Variants in ELAVL2 observed in about 807,000 individuals in gnomAD.
ELAVL2 encodes ELAV like RNA binding protein 2.
In ELAVL2, 4 loss-of-function variants were observed where a neutral mutation model predicts 34.6. The observed-to-expected ratio is 0.12, with a 90% CI of 0.06 to 0.26. The LOEUF is 0.26. Ranked by LOEUF, ELAVL2 falls within the 10% of genes least tolerant of loss-of-function variation. The pLI is 1.00. For missense variants in ELAVL2, 432 were observed against 442.8 expected, an observed-to-expected ratio of 0.98 and a Z score of 0.22; for synonymous variants, 193 against 154.8, an observed-to-expected ratio of 1.25 and a Z score of -1.83.
rs545178461 is a variant in ELAVL2 at position 23,799,323 on chromosome 9, C to T, written c.-16+26483G>A. On this transcript the variant is annotated intron_variant, in intron 1 of 6. Transcript: ENST00000397312. ...CAGATCTTTAGAGGAGAAAAGCAATCCTATCTGTTACCTTGTTTCCCATCC... is the reference window on the plus strand; with the variant it reads ...CAGATCTTTAGAGGAGAAAAGCAATTCTATCTGTTACCTTGTTTCCCATCC... Among the ~76,000 whole-genome samples the T allele has an allele frequency of 2.7e-4, 41 of 152,290 alleles. 1 individual carries two copies. The highest frequency in any genetic ancestry group is 6.8e-3 in the Middle Eastern group (2 of 294).
intron 2 of ELAVL2, among the ~76,000 whole-genome samples, chr9:23,731,903 T>C (rs907417477): frequency 6.6e-6 from 1 of 152,176 alleles, no homozygotes; most frequent in East Asian, 1.9e-4. Flanking sequence ...ATCTGAGCCC[T>C]CTCACTCCTG....
intron 1 of ELAVL2, among the ~76,000 whole-genome samples, chr9:23,763,446 T>C (rs2055515074): frequency 6.6e-6 from 1 of 152,104 alleles, no homozygotes; most frequent in Non-Finnish European, 1.5e-5. Flanking sequence ...TCCTTCATAT[T>C]GCATACATCT....
At chr9:23,762,965 C>T (rs1011243752) in intron 1 of ELAVL2, among the ~76,000 whole-genome samples, 60 of 152,018 alleles carry the variant, frequency 3.9e-4, no homozygotes, top group African/African-American at 1.4e-3. Context: ...CTCCTGTCAA[C>T]CTTGGCAGCT....
chr9:23,816,158 G>T (rs1436624672), intron 1 of ELAVL2, among the ~76,000 whole-genome samples: 1 of 151,706 alleles, frequency 6.6e-6, no homozygotes, highest in African/African-American at 2.4e-5. Flanking sequence ...TTCTTCAAAT[G>T]CTTAAAGAGA....
intron 1 of ELAVL2, among the ~76,000 whole-genome samples, chr9:23,772,330 A>G (rs557375475): frequency 6.6e-6 from 1 of 152,278 alleles, no homozygotes; most frequent in Non-Finnish European, 1.5e-5. Flanking sequence ...ACTCCAAAGC[A>G]GAAAGAATGA....
chr9:23,797,704 G>A (rs1013425148), intron 1 of ELAVL2, among the ~76,000 whole-genome samples: 6 of 152,142 alleles, frequency 3.9e-5, no homozygotes, highest in Non-Finnish European at 8.8e-5. Flanking sequence ...GAGGCAGGTG[G>A]ATCATCTGAG....
chr9:23,741,027 G>C (rs1343933911), intron 2 of ELAVL2, among the ~76,000 whole-genome samples: 1 of 152,172 alleles, frequency 6.6e-6, no homozygotes, highest in South Asian at 2.1e-4. Flanking sequence ...GTAAACAAGG[G>C]AGAGAGGCAG....
At chr9:23,781,072 A>G (rs2058996299) in intron 1 of ELAVL2, among the ~76,000 whole-genome samples, 2 of 152,222 alleles carry the variant, frequency 1.3e-5, no homozygotes, top group South Asian at 2.1e-4. Context: ...TGTTATGTTC[A>G]TAACTTCCCT....
At chr9:23,730,626 T>C (rs949963645) in intron 3 of ELAVL2, among the ~76,000 whole-genome samples, 2 of 152,166 alleles carry the variant, frequency 1.3e-5, no homozygotes, top group African/African-American at 4.8e-5. Flanking sequence ...TTTCATACTA[T>C]AAAGGCAGAG....
At chr9:23,744,716 G>A (rs2050086047) in intron 2 of ELAVL2, among the ~76,000 whole-genome samples, 1 of 151,146 alleles carries the variant, frequency 6.6e-6, no homozygotes, top group South Asian at 2.1e-4. Context: ...ATACTATTTT[G>A]GGCTTCTTTA....
At chr9:23,774,235 A>AAG (rs1554731605) in intron 1 of ELAVL2, among the ~76,000 whole-genome samples, 2 of 132,348 alleles carry the variant, frequency 1.5e-5, no homozygotes, top group Admixed American at 7.7e-5. Context: ...AAAAAAAAAA[A>AAG]AAAGAAAGAA....
intron 6 of ELAVL2, 66 bp downstream of exon 6, chr9:23,693,382 C>T: frequency 6.3e-7 from 1 of 1,599,742 alleles, no homozygotes. Context: ...GAATAGCACT[C>T]CCAAAATCAA....
intron 1 of ELAVL2, among the ~76,000 whole-genome samples, chr9:23,820,664 C>T (rs1450543634): frequency 6.6e-6 from 1 of 152,208 alleles, no homozygotes; most frequent in African/African-American, 2.4e-5. Context: ...AGCATTGTCA[C>T]GGCCACTGGA....
chr9:23,718,607 G>T (rs1216878932), intron 3 of ELAVL2, among the ~76,000 whole-genome samples: 1 of 152,104 alleles, frequency 6.6e-6, no homozygotes, highest in Non-Finnish European at 1.5e-5. Context: ...AAGAATAACA[G>T]AAATGTTATT....
At chr9:23,705,215 C>A (rs1032817040) in intron 3 of ELAVL2, 144 bp from the exon 4 acceptor site, 5 of 881,942 alleles carry the variant, frequency 5.7e-6, no homozygotes, top group Non-Finnish European at 8.5e-6. Flanking sequence ...CTGCTTTATT[C>A]ATTTCCAGGA....
intron 1 of ELAVL2, among the ~76,000 whole-genome samples, chr9:23,809,426 G>A (rs1433238354): frequency 6.6e-6 from 1 of 152,004 alleles, no homozygotes; most frequent in Non-Finnish European, 1.5e-5. Context: ...CATAGAATCA[G>A]GACATTAAGT....
chr9:23,821,926 GCCGCCGGCGCGTGCCCTGC>G (rs2064844478), intron 1 of ELAVL2: 2 of 151,284 alleles, frequency 1.3e-5, no homozygotes, highest in Non-Finnish European at 1.5e-5. Context: ...CGCCGCGGCC[GCCGCCGGCGCGTGCCCTGC>G]CCGACCGCCC....
At chr9:23,811,740 C>T (rs1366444874) in intron 1 of ELAVL2, among the ~76,000 whole-genome samples, 1 of 152,110 alleles carries the variant, frequency 6.6e-6, no homozygotes, top group Non-Finnish European at 1.5e-5. Flanking sequence ...CAACGTGCCT[C>T]AGATCTACTC....
chr9:23,722,199 C>G (rs568890480), intron 3 of ELAVL2, among the ~76,000 whole-genome samples: 2 of 152,184 alleles, frequency 1.3e-5, no homozygotes, highest in East Asian at 3.8e-4. Flanking sequence ...AGAGTCTACG[C>G]AAATTTAAAG....
Sources: gnomAD v4.1 joint callset for allele counts (sites outside exome capture counted in the v4.1 genomes callset) on GRCh38, gnomAD v4.1.1 for gene constraint, MANE v1.5 for transcripts, NCBI Gene and HGNC (gene_info 2026-07-23, HGNC 2026-07-21) for gene names.